Variants in PTPRT observed in about 807,000 individuals in gnomAD.
PTPRT encodes the protein receptor-type tyrosine-protein phosphatase T.
Under a neutral mutation model 176.8 loss-of-function variants are expected in PTPRT, and 56 were observed. The ratio of observed to expected loss-of-function variants is 0.32; its 90% confidence interval spans 0.26 to 0.40. PTPRT has a LOEUF of 0.40. Ranked by LOEUF, PTPRT falls within the 10% of genes least tolerant of loss-of-function variation. PTPRT has a pLI of 1.00. For synonymous variants in PTPRT, 783 were observed against 739.0 expected (o/e 1.06, Z -0.96); for missense variants, 1,540 against 1,908.2 (o/e 0.81, Z 3.60).
chr20:42,667,647 GGA>G (rs1472494039), intron 7 of PTPRT, among the ~76,000 whole-genome samples: 1 of 152,144 alleles, frequency 6.6e-6, no homozygotes, highest in East Asian at 1.9e-4. Flanking sequence ...AGAAGTTGAG[GGA>G]TTACTTGTTG....
chr20:42,291,211 C>T (rs913976097), intron 12 of PTPRT, among the ~76,000 whole-genome samples: 1 of 152,092 alleles, frequency 6.6e-6, no homozygotes, highest in Non-Finnish European at 1.5e-5. Context: ...TGTTCATGTA[C>T]TCATTTGGTC....
chr20:42,115,156 C>T (rs1987206363), intron 22 of PTPRT, 43 bp downstream of exon 22: 2 of 1,418,370 alleles, frequency 1.4e-6, no homozygotes, highest in South Asian at 1.1e-5. Context: ...AACAAGCTGG[C>T]TCTCATGGTG....
intron 9 of PTPRT, among the ~76,000 whole-genome samples, chr20:42,353,717 A>T (rs927435157): frequency 2.0e-5 from 3 of 152,220 alleles, no homozygotes; most frequent in African/African-American, 7.2e-5. Flanking sequence ...GGCAAACACA[A>T]GATTTTTTGT....
chr20:42,111,982 T>C (rs567208673), intron 22 of PTPRT, among the ~76,000 whole-genome samples: 11 of 152,174 alleles, frequency 7.2e-5, no homozygotes, highest in Middle Eastern at 6.8e-3. Context: ...CAAGTGGAAG[T>C]CAGGCCATGG....
intron 11 of PTPRT, among the ~76,000 whole-genome samples, chr20:42,334,236 A>G (rs6016750): frequency 0.033 from 5,066 of 152,220 alleles, 275 homozygotes; most frequent in African/African-American, 0.11. Context: ...TGTGCTGTGC[A>G]TTGTGGGATG....
At position 42,488,859 on chromosome 20, in the gene PTPRT, G is replaced by A. The variant is rs150283001; in HGVS notation, c.1154-16297C>T. On this transcript the variant is annotated intron_variant, in intron 7 of 30. Coordinates refer to ENST00000373187, the MANE Select transcript of PTPRT (RefSeq NM_007050.6). ...CATGCCTGTAATCCCAGCTACTCTG[G>A]AGGCTGAGGTAGGAGAATTGCTTGA... Among the ~76,000 whole-genome samples the A allele has an allele frequency of 1.9e-3, 284 of 151,948 alleles. 2 individuals are homozygous for A. The highest frequency in any genetic ancestry group is 6.8e-3 in the Middle Eastern group (2 of 292).
Position 42,612,679 on chromosome 20 carries a change from T to C in PTPRT, c.1153+65187A>G, listed in dbSNP as rs143456383. Among the ~76,000 whole-genome samples, 166 of 152,088 alleles carry C rather than the reference T, an allele frequency of 1.1e-3. 1 individual carries two copies. The highest frequency in any genetic ancestry group is 3.8e-3 in the African/African-American group (157 of 41,476). The stretch of plus-strand genomic sequence containing the variant: ...TGCCAGCCAGCTTCCCTGGCTGACA[T>C]GCAACAGATTATCATGCAAACCCAG... On this transcript the variant is annotated intron_variant, in intron 7 of 30. Transcript: ENST00000373187.
At chr20:42,399,099 T>G (rs757830281) in intron 9 of PTPRT, among the ~76,000 whole-genome samples, 1 of 152,260 alleles carries the variant, frequency 6.6e-6, no homozygotes, top group Non-Finnish European at 1.5e-5. Context: ...ACCTCATTTC[T>G]AGACTTGCAC....
In PTPRT at chr20:42,696,750, C is replaced by T. The variant is rs562836968; in HGVS notation, c.860-18591G>A. Among the ~76,000 whole-genome samples, 21 of 152,192 alleles carry T rather than the reference C, an allele frequency of 1.4e-4. No individual in the cohort carries two copies. In the East Asian group the frequency reaches 1.7e-3, roughly 13 times the overall value. On this transcript the variant is annotated intron_variant, in intron 6 of 30. Transcript: ENST00000373187. ...GATTACAGGTGTGAGCCACCCCGCCCGGCCATGAATGATCTTTGAAGTGAG... is the reference window on the plus strand; with the variant it reads ...GATTACAGGTGTGAGCCACCCCGCCTGGCCATGAATGATCTTTGAAGTGAG...
chr20:42,267,397 G>T (rs2056857028), intron 13 of PTPRT, among the ~76,000 whole-genome samples: 1 of 152,266 alleles, frequency 6.6e-6, no homozygotes, highest in East Asian at 1.9e-4. Flanking sequence ...CCCATCATAA[G>T]TTGAGAAGGA....
At chr20:42,873,392 G>A (rs1168537424) in intron 2 of PTPRT, among the ~76,000 whole-genome samples, 1 of 152,206 alleles carries the variant, frequency 6.6e-6, no homozygotes, top group Non-Finnish European at 1.5e-5. Flanking sequence ...ACCTGGCACA[G>A]AATGAGTGCT....
intron 11 of PTPRT, among the ~76,000 whole-genome samples, chr20:42,344,459 A>G (rs758274507): frequency 2.0e-4 from 30 of 152,284 alleles, no homozygotes; most frequent in Non-Finnish European, 1.5e-4. Flanking sequence ...GGTCTGAGTG[A>G]GGAGCTCCGT....
chr20:42,652,695 G>T (rs1320499314), intron 7 of PTPRT, among the ~76,000 whole-genome samples: 1 of 152,038 alleles, frequency 6.6e-6, no homozygotes, highest in East Asian at 1.9e-4. Flanking sequence ...CCAAATCAAG[G>T]GCCTGATGGT....
At chr20:42,114,428 T>C (rs922337711) in intron 22 of PTPRT, among the ~76,000 whole-genome samples, 1 of 152,250 alleles carries the variant, frequency 6.6e-6, no homozygotes, top group Non-Finnish European at 1.5e-5. Context: ...ATAGTAATGA[T>C]AGAATAGCAA....
chr20:42,289,673 T>C (rs2057287984), intron 12 of PTPRT, among the ~76,000 whole-genome samples: 1 of 152,104 alleles, frequency 6.6e-6, no homozygotes, highest in Non-Finnish European at 1.5e-5. Context: ...CTGTTGATGA[T>C]ATTGTAAATT....
At chr20:42,974,643 C>G (rs1982839015) in intron 1 of PTPRT, among the ~76,000 whole-genome samples, 1 of 152,174 alleles carries the variant, frequency 6.6e-6, no homozygotes, top group Non-Finnish European at 1.5e-5. Flanking sequence ...ATCGCAAGTG[C>G]TGGGTGAACA....
chr20:42,662,853 T>C (rs994774462), intron 7 of PTPRT, among the ~76,000 whole-genome samples: 1 of 152,188 alleles, frequency 6.6e-6, no homozygotes, highest in African/African-American at 2.4e-5. Context: ...TACCCTCATA[T>C]AGAGTGTTTT....
chr20:42,907,308 C>T (rs1169507290), intron 1 of PTPRT, among the ~76,000 whole-genome samples: 6 of 151,990 alleles, frequency 3.9e-5, no homozygotes, highest in Non-Finnish European at 7.4e-5. Context: ...AAAAAACAAT[C>T]GGATTAGGAG....
intron 5 of PTPRT, among the ~76,000 whole-genome samples, chr20:42,757,178 G>A (rs1169387261): frequency 6.6e-6 from 1 of 152,100 alleles, no homozygotes; most frequent in Non-Finnish European, 1.5e-5. Flanking sequence ...TAAGAAGAGA[G>A]GAAAAAGGCT....
Sources: gnomAD v4.1 joint callset for allele counts (sites outside exome capture counted in the v4.1 genomes callset) on GRCh38, gnomAD v4.1.1 for gene constraint, MANE v1.5 for transcripts, NCBI Gene and HGNC (gene_info 2026-07-23, HGNC 2026-07-21) for gene names.